The following CSMD1 variants were observed in gnomAD, a reference collection of about 807,000 sequenced individuals.
CSMD1 encodes CUB and sushi domain-containing protein 1.
In CSMD1, 213 loss-of-function variants were observed where a neutral mutation model predicts 417.5. The observed-to-expected ratio is 0.51, with a 90% confidence interval of 0.46 to 0.57. CSMD1 has a LOEUF of 0.57. Among genes scored for constraint, CSMD1 ranks in the 20% least tolerant of loss-of-function variants. The pLI, the probability that CSMD1 is intolerant of heterozygous loss-of-function variation, is 0.00. For missense variants in CSMD1, 6,923 were observed against 4,529.7 expected (o/e 1.53, Z -15.17); for synonymous variants, 2,862 against 1,736.8 (o/e 1.65, Z -16.11).
At chr8:3,708,841 C>G (rs963332607) in intron 6 of CSMD1, among the ~76,000 whole-genome samples, 10 of 152,180 alleles carry the variant, frequency 6.6e-5, no homozygotes, top group African/African-American at 2.4e-4. Flanking sequence ...CTTCATGTAT[C>G]TATCCTGACT....
chr8:4,809,775 A>C (rs1798790442), intron 1 of CSMD1, among the ~76,000 whole-genome samples: 1 of 152,236 alleles, frequency 6.6e-6, no homozygotes, highest in East Asian at 1.9e-4. Flanking sequence ...TTTTTACACT[A>C]AATATTTGAA....
At chr8:4,755,586 C>T (rs1486418908) in intron 1 of CSMD1, among the ~76,000 whole-genome samples, 1 of 152,146 alleles carries the variant, frequency 6.6e-6, no homozygotes, top group Non-Finnish European at 1.5e-5. Context: ...TCTACTGTCA[C>T]GTTGATTTTA....
intron 5 of CSMD1, among the ~76,000 whole-genome samples, chr8:3,932,549 A>C (rs1337782836): frequency 6.6e-6 from 1 of 150,734 alleles, no homozygotes; most frequent in Admixed American, 6.6e-5. Flanking sequence ...CCACAATTAA[A>C]GTTCAATGCA....
At chr8:3,003,621 T>A (rs1428695540) in intron 52 of CSMD1, among the ~76,000 whole-genome samples, 1 of 152,212 alleles carries the variant, frequency 6.6e-6, no homozygotes, top group Non-Finnish European at 1.5e-5. Context: ...TGCAATGTTC[T>A]TGGGGCTGGG....
rs187821987 is a variant in CSMD1 at position 2,979,370 on chromosome 8, T to A, written c.8378-570A>T. ...GGCCTCTTCTCCTTTTAGAAACAGGTCCGTGGTGAGGCAGTCTTCTGCGGC... is the reference window on the plus strand; with the variant it reads ...GGCCTCTTCTCCTTTTAGAAACAGGACCGTGGTGAGGCAGTCTTCTGCGGC... On this transcript the variant is annotated intron_variant, in intron 54 of 69. Coordinates refer to ENST00000635120, the MANE Select transcript of CSMD1 (RefSeq NM_033225.6). Among the ~76,000 whole-genome samples, 7 of 152,336 alleles carry A rather than the reference T, an allele frequency of 4.6e-5. No individual in the cohort carries two copies. In the East Asian group the frequency reaches 1.4e-3, roughly 29 times the overall value.
chr8:3,050,474 G>A (rs1278424888), intron 50 of CSMD1, among the ~76,000 whole-genome samples: 5 of 152,142 alleles, frequency 3.3e-5, no homozygotes, highest in Admixed American at 3.3e-4. Flanking sequence ...ATAAATGTCT[G>A]GGACATTGTT....
chr8:3,932,294 T>C (rs770211542), intron 5 of CSMD1, among the ~76,000 whole-genome samples: 5 of 150,636 alleles, frequency 3.3e-5, no homozygotes, highest in Non-Finnish European at 7.4e-5. Context: ...AGAAGTTTTG[T>C]TGCTCAGTTA....
intron 3 of CSMD1, among the ~76,000 whole-genome samples, chr8:4,231,693 G>A (rs1052098850): frequency 3.3e-5 from 5 of 152,224 alleles, no homozygotes; most frequent in Non-Finnish European, 7.3e-5. Context: ...TATGACTACA[G>A]TTAATAAGCC....
chr8:4,455,784 C>T (rs900834277), intron 2 of CSMD1, among the ~76,000 whole-genome samples: 6 of 150,582 alleles, frequency 4.0e-5, no homozygotes, highest in African/African-American at 9.8e-5. Flanking sequence ...TACAAAAATT[C>T]GCTGGATGTG....
At chr8:4,379,676 GGGGAAGAGGGCAA>G (rs2128917907) in intron 3 of CSMD1, among the ~76,000 whole-genome samples, 1 of 151,756 alleles carries the variant, frequency 6.6e-6, no homozygotes, top group East Asian at 2.0e-4. Context: ...AGTTCTTACA[GGGGAAGAGGGCAA>G]TGAAGCAACA....
At chr8:3,655,638 A>G (rs1284618504) in intron 7 of CSMD1, among the ~76,000 whole-genome samples, 1 of 148,080 alleles carries the variant, frequency 6.8e-6, no homozygotes, top group African/African-American at 2.5e-5. Context: ...TGAGCCTACA[A>G]GATGACTCAA....
chr8:4,687,834 C>CAT (rs1247488324), intron 1 of CSMD1, among the ~76,000 whole-genome samples: 4 of 91,654 alleles, frequency 4.4e-5, no homozygotes, highest in Admixed American at 2.8e-4. Context: ...CACATACATA[C>CAT]ATACACACAC....
chr8:3,451,091 C>T lies in CSMD1; in HGVS notation c.1561+17621G>A, dbSNP rs1227684617. Among the ~76,000 whole-genome samples, 15 of 152,282 alleles carry T rather than the reference C, an allele frequency of 9.9e-5. No homozygotes were observed. In the South Asian group the frequency reaches 1.0e-3, roughly 11 times the overall value. On this transcript the variant is annotated intron_variant, in intron 12 of 69. Transcript: ENST00000635120. ...TGATGACGAGCATTTTTTCACGTCT[C>T]TTTTGGCTGCATAAATGTCTTCTTT...
intron 2 of CSMD1, among the ~76,000 whole-genome samples, chr8:4,631,515 A>T (rs901363641): frequency 6.6e-6 from 1 of 151,868 alleles, no homozygotes; most frequent in African/African-American, 2.4e-5. Context: ...GTCTAATATG[A>T]TCCTAATGTA....
intron 1 of CSMD1, among the ~76,000 whole-genome samples, chr8:4,707,599 G>C (rs987578830): frequency 1.3e-5 from 2 of 151,998 alleles, no homozygotes; most frequent in Non-Finnish European, 2.9e-5. Flanking sequence ...ACAAGAGAGG[G>C]GAAAGAGCCA....
At chr8:4,544,329 T>C (rs1156899618) in intron 2 of CSMD1, among the ~76,000 whole-genome samples, 1 of 152,150 alleles carries the variant, frequency 6.6e-6, no homozygotes, top group Non-Finnish European at 1.5e-5. Flanking sequence ...ATTTATTTAA[T>C]TTTGGTAGGT....
chr8:4,851,940 C>T (rs1801504178), intron 1 of CSMD1, among the ~76,000 whole-genome samples: 1 of 152,172 alleles, frequency 6.6e-6, no homozygotes, highest in South Asian at 2.1e-4. Flanking sequence ...CTGCCTTGTA[C>T]ACAGGCTGAG....
At chr8:4,907,516 GA>G (rs1554516908) in intron 1 of CSMD1, among the ~76,000 whole-genome samples, 1 of 133,760 alleles carries the variant, frequency 7.5e-6, no homozygotes, top group Non-Finnish European at 1.6e-5. Context: ...GAATTAAATG[GA>G]AAAAAAATTT....
chr8:4,071,841 C>G (rs758333629), intron 3 of CSMD1, among the ~76,000 whole-genome samples: 2 of 151,954 alleles, frequency 1.3e-5, no homozygotes, highest in Admixed American at 1.3e-4. Context: ...GGGTGGTGTG[C>G]ACATCCACTC....
Sources: allele counts gnomAD v4.1 joint callset (sites outside exome capture counted in the v4.1 genomes callset), GRCh38; gene constraint gnomAD v4.1.1; transcripts MANE v1.5; gene names NCBI Gene and HGNC (gene_info 2026-07-23, HGNC 2026-07-21).